BLNK: variants seen among roughly 807,000 people sequenced by gnomAD.
BLNK encodes B-cell linker protein.
Under a neutral mutation model 73.5 loss-of-function variants are expected in BLNK, and 29 were observed. That is an observed-to-expected ratio of 0.39 (90% confidence interval 0.29 to 0.54). BLNK has a LOEUF of 0.54. Among genes scored for constraint, BLNK ranks in the 20% least tolerant of loss-of-function variants. BLNK has a pLI of 0.61. For missense variants in BLNK, 460 were observed against 562.8 expected (o/e 0.82, Z 1.85); for synonymous variants, 176 against 200.8 (o/e 0.88, Z 1.04).
intron 1 of BLNK, among the ~76,000 whole-genome samples, chr10:96,261,525 C>T (rs1380543101): frequency 2.6e-5 from 4 of 152,114 alleles, no homozygotes; most frequent in Admixed American, 2.0e-4. Flanking sequence ...TAGGTAGCAT[C>T]GGGTATATTA....
At chr10:96,258,579 G>T (rs149159638) in intron 1 of BLNK, among the ~76,000 whole-genome samples, 84 of 152,160 alleles carry the variant, frequency 5.5e-4, no homozygotes, top group African/African-American at 1.8e-3. Context: ...TCCACATAAG[G>T]CTTGAGCCCC....
chr10:96,242,387 G>A (rs1482793327), intron 3 of BLNK, among the ~76,000 whole-genome samples: 1 of 152,190 alleles, frequency 6.6e-6, no homozygotes, highest in Non-Finnish European at 1.5e-5. Context: ...TCAGCAGTGT[G>A]AAAACAGACT....
Position 96,249,072 on chromosome 10 carries a change from A to G in BLNK, c.48-2023T>C, listed in dbSNP as rs529292165. Among the ~76,000 whole-genome samples the G allele has an allele frequency of 6.6e-5, 10 of 152,332 alleles. No individual in the cohort carries two copies. The South Asian group carries it at 2.1e-3, about 32-fold the overall frequency. ...CTGAAAGAGTAGGACGTTTTAATTCACCTTTCAGGTAAATGCTTCCTTTGT... is the reference window on the plus strand; with the variant it reads ...CTGAAAGAGTAGGACGTTTTAATTCGCCTTTCAGGTAAATGCTTCCTTTGT... On this transcript the variant is annotated intron_variant, in intron 1 of 16. Coordinates refer to ENST00000224337, the MANE Select transcript of BLNK (RefSeq NM_013314.4).
At position 96,227,519 on chromosome 10, in the gene BLNK, G is replaced by A. The variant is rs782138990; in HGVS notation, c.252C>T (p.Tyr84=). The A allele has an allele frequency of 4.3e-6, 7 of 1,614,058 alleles. No homozygotes were observed. The highest frequency in any genetic ancestry group is 1.7e-5 in the Admixed American group (1 of 60,012). The change falls in exon 5 of 17, where the codon TAC becomes TAT. Residue 84 remains tyrosine, a synonymous_variant. Transcript: ENST00000224337. Reference sequence around the variant, plus strand: ...CAGCGTTCTCCTCGGCGGGCATCACGTACATCTCTGAGTCCGAGTGCTCAT... The same window carrying A: ...CAGCGTTCTCCTCGGCGGGCATCACATACATCTCTGAGTCCGAGTGCTCAT... The part of the protein sequence containing the change: ...NPDEHSDSEM[Y]VMPAEENADD...
intron 1 of BLNK, among the ~76,000 whole-genome samples, chr10:96,255,181 G>T (rs1843459088): frequency 6.6e-6 from 1 of 152,184 alleles, no homozygotes; most frequent in Non-Finnish European, 1.5e-5. Context: ...CAGGCACATA[G>T]AAGGATAAAC....
At position 96,201,024 on chromosome 10, in the gene BLNK, C is replaced by T. The variant is rs369093277; in HGVS notation, c.969G>A (p.Gly323=). The T allele has an allele frequency of 6.2e-7, 1 of 1,614,084 alleles. No individual in the cohort carries two copies. The highest frequency in any genetic ancestry group is 2.2e-5 in the East Asian group (1 of 44,876). ...AATTAGATGAAAAGCTGGGTAGGGG[C>T]CCATCCACAGTTGGGTTTCCCCCTT... ...FTEGGNPTVD[G]PLPSFSSNST... The change falls in exon 14 of 17, where the codon GGG becomes GGA. Residue 323 remains glycine, a synonymous_variant. Coordinates refer to ENST00000224337, the MANE Select transcript of BLNK (RefSeq NM_013314.4).
Position 96,270,336 on chromosome 10 carries a change from G to T in BLNK, c.47+1016C>A, listed in dbSNP as rs527811854. The stretch of plus-strand genomic sequence containing the variant: ...AAAAGCTTCAATTCTCTGGCTCATT[G>T]TTATCTGTGATTACTTGTCTGCTAC... On this transcript the variant is annotated intron_variant, in intron 1 of 16. Transcript: ENST00000224337. Among the ~76,000 whole-genome samples the T allele has an allele frequency of 2.0e-5, 3 of 152,238 alleles. 1 individual carries two copies. In the South Asian group the frequency reaches 6.2e-4, roughly 32 times the overall value.
chr10:96,227,786 G>A (rs1554902956), intron 4 of BLNK, among the ~76,000 whole-genome samples: 1 of 148,814 alleles, frequency 6.7e-6, no homozygotes, highest in African/African-American at 2.4e-5. Flanking sequence ...TGTCCTTGGG[G>A]GACACAGGAA....
At chr10:96,248,968 G>A (rs986065671) in intron 1 of BLNK, among the ~76,000 whole-genome samples, 1 of 152,170 alleles carries the variant, frequency 6.6e-6, no homozygotes. Context: ...TATAATGGGA[G>A]GATAGGGCCA....
At chr10:96,232,733 C>T (rs587742792) in intron 3 of BLNK, among the ~76,000 whole-genome samples, 103 of 152,270 alleles carry the variant, frequency 6.8e-4, no homozygotes, top group African/African-American at 2.5e-3. Context: ...GGCCAAGAAA[C>T]TCTAGAAGAT....
intron 1 of BLNK, among the ~76,000 whole-genome samples, chr10:96,256,490 G>C (rs957953336): frequency 6.6e-6 from 1 of 151,964 alleles, no homozygotes; most frequent in Non-Finnish European, 1.5e-5. Flanking sequence ...AATTGACTCT[G>C]GGTTTCTTTT....
intron 1 of BLNK, among the ~76,000 whole-genome samples, chr10:96,266,616 C>T (rs782013961): frequency 1.1e-4 from 17 of 152,138 alleles, no homozygotes; most frequent in Admixed American, 5.2e-4. Flanking sequence ...ATTGGTGTGC[C>T]GCAAGATGGT....
chr10:96,197,496 T>C (rs1230346295), intron 15 of BLNK, among the ~76,000 whole-genome samples: 5 of 152,084 alleles, frequency 3.3e-5, no homozygotes, highest in Admixed American at 2.0e-4. Flanking sequence ...ATGTGCTAAA[T>C]AAGGTTTTAT....
intron 15 of BLNK, among the ~76,000 whole-genome samples, chr10:96,198,031 G>A (rs1212535127): frequency 1.3e-5 from 2 of 150,912 alleles, no homozygotes; most frequent in African/African-American, 2.4e-5. Context: ...AAAAAATTAC[G>A]AACAAAAGAT....
At chr10:96,223,421 C>G (rs782425955) in intron 6 of BLNK, among the ~76,000 whole-genome samples, 5 of 152,158 alleles carry the variant, frequency 3.3e-5, no homozygotes, top group Non-Finnish European at 7.3e-5. Flanking sequence ...CTTGGTCTCT[C>G]CTTCTGCCTT....
At chr10:96,227,313 A>G (rs1410154551) in intron 5 of BLNK, 97 bp downstream of exon 5, 2 of 1,511,972 alleles carry the variant, frequency 1.3e-6, no homozygotes, top group African/African-American at 1.4e-5. Context: ...GAGGCCCTCA[A>G]GCAGCAGCCA....
At chr10:96,265,987 G>A (rs1184243542) in intron 1 of BLNK, among the ~76,000 whole-genome samples, 1 of 152,206 alleles carries the variant, frequency 6.6e-6, no homozygotes, top group Non-Finnish European at 1.5e-5. Flanking sequence ...AAATGATCCA[G>A]CTATGTCTTG....
intron 1 of BLNK, among the ~76,000 whole-genome samples, chr10:96,261,798 A>C (rs569414927): frequency 2.6e-5 from 4 of 152,334 alleles, no homozygotes; most frequent in African/African-American, 9.6e-5. Flanking sequence ...GTGCAATGAA[A>C]TACTCTTCCT....
chr10:96,216,451 G>A, intron 7 of BLNK: 1 of 604,878 alleles, frequency 1.7e-6, no homozygotes, highest in Non-Finnish European at 3.0e-6. Flanking sequence ...GAAGGGGAAG[G>A]CAGGGAAGGG....
Sources: gnomAD v4.1 joint callset for allele counts (sites outside exome capture counted in the v4.1 genomes callset) on GRCh38, gnomAD v4.1.1 for gene constraint, MANE v1.5 for transcripts, NCBI Gene and HGNC (gene_info 2026-07-23, HGNC 2026-07-21) for gene names.